Variants in STXBP5 observed in about 807,000 individuals in gnomAD.
The protein encoded by STXBP5 is syntaxin-binding protein 5.
In STXBP5, 50 loss-of-function variants were observed where a neutral mutation model predicts 152.4. The ratio of observed to expected loss-of-function variants is 0.33; its 90% CI spans 0.26 to 0.42. The LOEUF (loss-of-function observed/expected upper bound fraction) is 0.42. Ranked by LOEUF, STXBP5 falls within the 10% of genes least tolerant of loss-of-function variation. The pLI is 1.00. For missense variants in STXBP5, 1,167 were observed against 1,388.6 expected (o/e 0.84, Z 2.54); for synonymous variants, 492 against 494.7 (o/e 0.99, Z 0.07).
intron 8 of STXBP5, among the ~76,000 whole-genome samples, chr6:147,279,969 T>C (rs1374705117): frequency 6.6e-6 from 1 of 152,186 alleles, no homozygotes; most frequent in Non-Finnish European, 1.5e-5. Flanking sequence ...GTTTTTATCT[T>C]GTTTTGTAAG....
intron 2 of STXBP5, among the ~76,000 whole-genome samples, chr6:147,234,363 GTTT>G (rs376969191): frequency 6.6e-6 from 1 of 150,532 alleles, no homozygotes; most frequent in Admixed American, 6.6e-5. Context: ...CAAATGTACA[GTTT>G]TTTTTTCTGT....
At chr6:147,256,646 T>A (rs1483420961) in intron 4 of STXBP5, among the ~76,000 whole-genome samples, 4 of 152,178 alleles carry the variant, frequency 2.6e-5, no homozygotes, top group African/African-American at 9.7e-5. Context: ...TTGTGGCAGT[T>A]TAGAATGGAT....
At chr6:147,384,332 G>A (rs1786237355) in intron 27 of STXBP5, among the ~76,000 whole-genome samples, 1 of 152,124 alleles carries the variant, frequency 6.6e-6, no homozygotes, top group South Asian at 2.1e-4. Flanking sequence ...GCAGTGTCTG[G>A]CTCAGAATAG....
intron 26 of STXBP5, among the ~76,000 whole-genome samples, chr6:147,377,494 A>T (rs959864362): frequency 2.6e-5 from 4 of 152,188 alleles, no homozygotes; most frequent in Non-Finnish European, 5.9e-5. Context: ...ATATCAAAAT[A>T]CCATAAACTG....
At chr6:147,215,808 T>C (rs1582795135) in intron 2 of STXBP5, among the ~76,000 whole-genome samples, 1 of 152,208 alleles carries the variant, frequency 6.6e-6, no homozygotes, top group Non-Finnish European at 1.5e-5. Flanking sequence ...AGTATAATAA[T>C]AAAGGTAGCT....
At chr6:147,371,100 G>A (rs536073591) in intron 25 of STXBP5, among the ~76,000 whole-genome samples, 92 of 151,932 alleles carry the variant, frequency 6.1e-4, no homozygotes, top group Non-Finnish European at 8.5e-4. Flanking sequence ...GAGTAATTAA[G>A]TCCAATGTCT....
chr6:147,326,395 G>C (rs996046407), intron 17 of STXBP5, among the ~76,000 whole-genome samples: 1 of 152,056 alleles, frequency 6.6e-6, no homozygotes, highest in African/African-American at 2.4e-5. Context: ...TCCATACTTA[G>C]AGCTCCAACT....
At chr6:147,342,317 C>T (rs190487864) in intron 21 of STXBP5, among the ~76,000 whole-genome samples, 15 of 152,242 alleles carry the variant, frequency 9.9e-5, no homozygotes, top group Non-Finnish European at 1.8e-4. Context: ...CTCTGGAGTA[C>T]CCTAGCCCAT....
At chr6:147,272,752 G>A (rs1780237088) in intron 7 of STXBP5, among the ~76,000 whole-genome samples, 1 of 152,078 alleles carries the variant, frequency 6.6e-6, no homozygotes, top group African/African-American at 2.4e-5. Flanking sequence ...TATAATTCAA[G>A]TTCTACTCAG....
intron 4 of STXBP5, among the ~76,000 whole-genome samples, chr6:147,254,818 C>G (rs966504207): frequency 5.9e-5 from 9 of 152,182 alleles, no homozygotes; most frequent in Non-Finnish European, 1.3e-4. Flanking sequence ...CAGGAAACAA[C>G]AGATGCTGGA....
At chr6:147,318,143 A>C (rs1411783754) in intron 16 of STXBP5, among the ~76,000 whole-genome samples, 1 of 152,176 alleles carries the variant, frequency 6.6e-6, no homozygotes, top group Non-Finnish European at 1.5e-5. Flanking sequence ...TAAAACATTA[A>C]ATTCTTTTCC....
At chr6:147,324,212 A>G (rs1297538978) in intron 16 of STXBP5, among the ~76,000 whole-genome samples, 1 of 136,316 alleles carries the variant, frequency 7.3e-6, no homozygotes, top group African/African-American at 2.7e-5. Flanking sequence ...GTTTTTGGAC[A>G]GTTTTTCGTT....
chr6:147,367,293 A>G (rs986330592), intron 25 of STXBP5, among the ~76,000 whole-genome samples: 3 of 152,196 alleles, frequency 2.0e-5, no homozygotes, highest in Non-Finnish European at 4.4e-5. Flanking sequence ...TAAAACACCT[A>G]TATTAGGAAA....
At chr6:147,325,841 C>T (rs574580666) in intron 17 of STXBP5, among the ~76,000 whole-genome samples, 20 of 152,058 alleles carry the variant, frequency 1.3e-4, no homozygotes, top group African/African-American at 4.8e-4. Context: ...CCTCTGTATC[C>T]ACGGATTCAA....
intron 4 of STXBP5, among the ~76,000 whole-genome samples, chr6:147,257,541 C>T (rs1779429873): frequency 1.3e-5 from 2 of 151,860 alleles, no homozygotes. Flanking sequence ...AAATATGAGT[C>T]ATTGTTATTT....
At chr6:147,262,905 T>C (rs1342966231) in intron 6 of STXBP5, among the ~76,000 whole-genome samples, 1 of 151,996 alleles carries the variant, frequency 6.6e-6, no homozygotes, top group Non-Finnish European at 1.5e-5. Flanking sequence ...TTTAAAATAA[T>C]AAATATTTTT....
chr6:147,295,746 T>C (rs1475716495), intron 9 of STXBP5, among the ~76,000 whole-genome samples: 1 of 152,188 alleles, frequency 6.6e-6, no homozygotes, highest in Non-Finnish European at 1.5e-5. Context: ...ACAGTACTCA[T>C]AGGCCCTGAG....
At chr6:147,356,532 A>C (rs1189711818) in intron 22 of STXBP5, among the ~76,000 whole-genome samples, 1 of 151,842 alleles carries the variant, frequency 6.6e-6, no homozygotes, top group African/African-American at 2.4e-5. Flanking sequence ...TATAGTAAGT[A>C]GTTCTTTTCT....
At chr6:147,343,050 T>C (rs1366860569) in intron 21 of STXBP5, among the ~76,000 whole-genome samples, 1 of 152,038 alleles carries the variant, frequency 6.6e-6, no homozygotes, top group Non-Finnish European at 1.5e-5. Context: ...ATACCAAGGA[T>C]AAAAAATAAT....
Sources: gnomAD v4.1 joint callset for allele counts (sites outside exome capture counted in the v4.1 genomes callset) on GRCh38, gnomAD v4.1.1 for gene constraint, MANE v1.5 for transcripts, NCBI Gene and HGNC (gene_info 2026-07-23, HGNC 2026-07-21) for gene names.